Variants in SLC39A11 observed in about 807,000 individuals in gnomAD.
SLC39A11 encodes the protein zinc transporter ZIP11.
Under a neutral mutation model 36.1 loss-of-function variants are expected in SLC39A11, and 33 were observed. The ratio of observed to expected loss-of-function variants is 0.91; its 90% confidence interval spans 0.69 to 1.22. SLC39A11 has a LOEUF of 1.22. Among genes scored for constraint, SLC39A11 ranks in the 50% most tolerant of loss-of-function variants. The pLI is 0.00. For synonymous variants in SLC39A11, 166 were observed against 170.3 expected (o/e 0.97, Z 0.20); for missense variants, 432 against 430.3 (o/e 1.00, Z -0.03).
intron 6 of SLC39A11, among the ~76,000 whole-genome samples, chr17:72,827,910 T>C (rs1489521138): frequency 2.0e-5 from 3 of 152,146 alleles, no homozygotes; most frequent in Non-Finnish European, 4.4e-5. Context: ...AGAACTGTAA[T>C]AAAGCAAGAG....
chr17:72,721,775 G>C (rs995416107), intron 7 of SLC39A11, among the ~76,000 whole-genome samples: 1 of 152,070 alleles, frequency 6.6e-6, no homozygotes, highest in Non-Finnish European at 1.5e-5. Flanking sequence ...TTTGAGAGCA[G>C]CCTGGCTAAC....
chr17:72,673,110 T>C, intron 7 of SLC39A11, among the ~76,000 whole-genome samples: 1 of 152,138 alleles, frequency 6.6e-6, no homozygotes, highest in Non-Finnish European at 1.5e-5. Flanking sequence ...GTTGTTGTTG[T>C]TGTGGTTTTT....
chr17:72,983,880 C>T (rs1215928034), intron 4 of SLC39A11, among the ~76,000 whole-genome samples: 1 of 152,160 alleles, frequency 6.6e-6, no homozygotes, highest in Non-Finnish European at 1.5e-5. Context: ...CTGCCCTCAC[C>T]ATCTGGGCAA....
intron 6 of SLC39A11, among the ~76,000 whole-genome samples, chr17:72,819,399 G>C (rs1405490525): frequency 6.6e-6 from 1 of 151,318 alleles, no homozygotes; most frequent in Non-Finnish European, 1.5e-5. Flanking sequence ...CTGGCCTCCA[G>C]AACTGTGTGA....
At chr17:72,883,004 C>T (rs4131013) in intron 5 of SLC39A11, among the ~76,000 whole-genome samples, 1 of 151,492 alleles carries the variant, frequency 6.6e-6, no homozygotes, top group East Asian at 2.0e-4. Context: ...ATCATGTTGG[C>T]CAGGCTGGTC....
At chr17:72,995,149 C>T (rs933495782) in intron 4 of SLC39A11, among the ~76,000 whole-genome samples, 10 of 152,216 alleles carry the variant, frequency 6.6e-5, no homozygotes, top group Non-Finnish European at 1.5e-4. Context: ...GGCCCCAGTT[C>T]TTTAGCCCTC....
intron 4 of SLC39A11, among the ~76,000 whole-genome samples, chr17:72,959,024 T>G (rs1482841600): frequency 6.6e-6 from 1 of 152,014 alleles, no homozygotes; most frequent in Non-Finnish European, 1.5e-5. Flanking sequence ...AAGTAGATGT[T>G]TGCATAGATG....
chr17:72,955,790 C>T (rs1269105276), intron 4 of SLC39A11, among the ~76,000 whole-genome samples: 1 of 151,992 alleles, frequency 6.6e-6, no homozygotes, highest in Non-Finnish European at 1.5e-5. Flanking sequence ...ACAGAACATA[C>T]CGATCTAGGG....
rs780329919 is a variant in SLC39A11, at chr17:72,665,389, G to GTTTTTTTTTTTTTTTTTTTTTTT, written c.672-16122_672-16121insAAAAAAAAAAAAAAAAAAAAAAA. Among the ~76,000 whole-genome samples, 20 of 76,606 alleles carry GTTTTTTTTTTTTTTTTTTTTTTT rather than the reference G, an allele frequency of 2.6e-4. 2 individuals carry two copies. Among genetic ancestry groups the GTTTTTTTTTTTTTTTTTTTTTTT allele is most frequent in the East Asian group, 3.7e-4 (1 of 2,736 alleles). The allele number at this position is 76,606 out of a possible 152,430, so 50.3% of individuals were successfully genotyped here. A position where few individuals can be genotyped will look rare whatever the true frequency, so the allele number is the denominator to read the frequency against. On this transcript the variant is annotated intron_variant, in intron 7 of 9. Transcript: ENST00000255559. ...GGTTTAAGCCACCAAGTTTTGAGGTGTTTTTTTTTTTTTTTTTTTTTGAGA... is the reference window on the plus strand; with the variant it reads ...GGTTTAAGCCACCAAGTTTTGAGGTGTTTTTTTTTTTTTTTTTTTTTTTTTTTTTTTTTTTTTTTTTTTTGAGA...
chr17:72,884,875 T>C lies in SLC39A11; in HGVS notation c.431-35071A>G, dbSNP rs2146615133. On this transcript the variant is annotated intron_variant, in intron 5 of 9. Transcript: ENST00000255559. Reference sequence around the variant, plus strand: ...GGACAAGGGAACTCTAAAGCTCTTCTGAACAAAGAAAAATGCATAACGAGA... The same window carrying C: ...GGACAAGGGAACTCTAAAGCTCTTCCGAACAAAGAAAAATGCATAACGAGA... Among the ~76,000 whole-genome samples, 4 of 152,318 alleles carry C rather than the reference T, an allele frequency of 2.6e-5. 1 individual carries two copies. Among genetic ancestry groups the C allele is most frequent in the Admixed American group, 2.0e-4 (3 of 15,292 alleles).
At chr17:72,958,502 G>GA (rs1219202282) in intron 4 of SLC39A11, among the ~76,000 whole-genome samples, 1 of 152,052 alleles carries the variant, frequency 6.6e-6, no homozygotes, top group Non-Finnish European at 1.5e-5. Context: ...AAATCAGTAA[G>GA]AAAAAAACAA....
intron 7 of SLC39A11, among the ~76,000 whole-genome samples, chr17:72,677,115 G>A (rs756251019): frequency 1.3e-5 from 2 of 152,186 alleles, no homozygotes; most frequent in Admixed American, 6.5e-5. Flanking sequence ...AGCAGCAGCC[G>A]CAGTGGCTGA....
chr17:72,912,994 T>C (rs2083109660), intron 5 of SLC39A11, among the ~76,000 whole-genome samples: 1 of 151,830 alleles, frequency 6.6e-6, no homozygotes, highest in African/African-American at 2.4e-5. Context: ...CCATTTCTGC[T>C]TTTTTAAATA....
intron 4 of SLC39A11, among the ~76,000 whole-genome samples, chr17:73,003,468 G>A (rs2089940174): frequency 6.6e-6 from 1 of 152,198 alleles, no homozygotes; most frequent in South Asian, 2.1e-4. Flanking sequence ...GAAAAGGGAT[G>A]AGACTAGCAC....
intron 7 of SLC39A11, among the ~76,000 whole-genome samples, chr17:72,657,934 C>T (rs1195044530): frequency 1.3e-5 from 2 of 152,222 alleles, no homozygotes; most frequent in Non-Finnish European, 2.9e-5. Flanking sequence ...CCCATTGATG[C>T]TGGGTGGGTC....
chr17:72,873,175 G>A (rs2080733852), intron 5 of SLC39A11, among the ~76,000 whole-genome samples: 1 of 151,648 alleles, frequency 6.6e-6, no homozygotes, highest in African/African-American at 2.4e-5. Flanking sequence ...TAAAACCTAA[G>A]ACTGGTATTT....
At chr17:72,889,166 A>C (rs2081591643) in intron 5 of SLC39A11, among the ~76,000 whole-genome samples, 1 of 152,220 alleles carries the variant, frequency 6.6e-6, no homozygotes, top group African/African-American at 2.4e-5. Context: ...AGCCATACTT[A>C]AACCATTAAT....
intron 5 of SLC39A11, among the ~76,000 whole-genome samples, chr17:72,933,090 A>G (rs2084524284): frequency 6.6e-6 from 1 of 152,222 alleles, no homozygotes; most frequent in Non-Finnish European, 1.5e-5. Context: ...CTTAGCCAGT[A>G]CAATCAGGTA....
At position 72,990,778 on chromosome 17, in the gene SLC39A11, A is replaced by C. The variant is rs190493580; in HGVS notation, c.306+40778T>G. Among the ~76,000 whole-genome samples the C allele has an allele frequency of 3.6e-4, 55 of 152,250 alleles. No individual in the cohort carries two copies. The East Asian group carries it at 9.7e-3, about 27-fold the overall frequency. On this transcript the variant is annotated intron_variant, in intron 4 of 9. Transcript: ENST00000255559. ...CCCCGACCAACACACACACATCTACACTAAAATCTTACAGTGTATATATAT... is the reference window on the plus strand; with the variant it reads ...CCCCGACCAACACACACACATCTACCCTAAAATCTTACAGTGTATATATAT...
Sources: allele counts gnomAD v4.1 joint callset (sites outside exome capture counted in the v4.1 genomes callset), GRCh38; gene constraint gnomAD v4.1.1; transcripts MANE v1.5; gene names NCBI Gene and HGNC (gene_info 2026-07-23, HGNC 2026-07-21).